The following USP54 variants were observed in gnomAD, a reference collection of about 807,000 sequenced individuals.
The protein encoded by USP54 is ubiquitin carboxyl-terminal hydrolase 54.
In USP54, 87 loss-of-function variants were observed where a neutral mutation model predicts 170.5. The ratio of observed to expected loss-of-function variants is 0.51; its 90% CI spans 0.43 to 0.61. The LOEUF (loss-of-function observed/expected upper bound fraction) is 0.61. Ranked by LOEUF, USP54 falls within the 20% of genes least tolerant of loss-of-function variation. USP54 has a pLI of 0.00. For synonymous variants in USP54, 655 were observed against 742.8 expected (o/e 0.88, Z 1.92); for missense variants, 1,786 against 2,047.8 (o/e 0.87, Z 2.47).
intron 4 of USP54, among the ~76,000 whole-genome samples, chr10:73,569,591 A>G (rs1362510837): frequency 6.6e-5 from 10 of 151,946 alleles, no homozygotes; most frequent in Non-Finnish European, 1.5e-4. Flanking sequence ...GTCTCTACTA[A>G]AAATACAAAA....
At position 73,584,265 on chromosome 10, in the gene USP54, G is replaced by A. The variant is rs768949633; in HGVS notation, c.-582+7013C>T. Among the ~76,000 whole-genome samples, 213 of 152,130 alleles carry A rather than the reference G, an allele frequency of 1.4e-3. 2 individuals are homozygous for A. The highest frequency in any genetic ancestry group is 1.5e-4 in the Non-Finnish European group (10 of 68,030). ...TAGCCGGGCGTGGTGGCATGTGCCT[G>A]TAATCCCAGCTACTCGGGAGGCTGA... On this transcript the variant is annotated intron_variant, in intron 1 of 23. Transcript: ENST00000687698.
chr10:73,520,560 A>C (rs1418858869), intron 18 of USP54, among the ~76,000 whole-genome samples: 1 of 152,248 alleles, frequency 6.6e-6, no homozygotes, highest in African/African-American at 2.4e-5. Context: ...CAATTTATTC[A>C]GTTTTCCTTC....
At position 73,610,387 on chromosome 10, in the gene USP54, C is replaced by T. The variant is rs537740795; in HGVS notation, c.-18+15180G>A. On this transcript the variant is annotated intron_variant, in intron 1 of 22. Coordinates refer to the USP54 transcript ENST00000339859. ...CTGTAATCCCAGCATTTTGGGAGGC[C>T]AAGGTGGGCGGATCACTCGAGGTCA... Among the ~76,000 whole-genome samples the T allele has an allele frequency of 2.6e-5, 4 of 152,140 alleles. No individual in the cohort carries two copies. The South Asian group carries it at 8.3e-4, about 32-fold the overall frequency.
intron 10 of USP54, among the ~76,000 whole-genome samples, 166 bp downstream of exon 10, chr10:73,539,278 C>CA (rs1279556550): frequency 0.029 from 1,553 of 54,304 alleles, 17 homozygotes; most frequent in Non-Finnish European, 0.042. Flanking sequence ...GACTCCATCT[C>CA]AAAAAAAAAA....
chr10:73,568,763 C>T (rs762062260), intron 4 of USP54, among the ~76,000 whole-genome samples: 46 of 152,054 alleles, frequency 3.0e-4, no homozygotes, highest in Non-Finnish European at 5.9e-4. Context: ...AAATACATCC[C>T]CAAGCCCATT....
At chr10:73,526,371 C>T (rs2062851247) in intron 16 of USP54, among the ~76,000 whole-genome samples, 1 of 152,118 alleles carries the variant, frequency 6.6e-6, no homozygotes, top group Non-Finnish European at 1.5e-5. Flanking sequence ...CCTCAGCCTC[C>T]CGAGCAGCTG....
In USP54 at chr10:73,523,733, T is replaced by G. The variant is rs1156370386; in HGVS notation, c.2212A>C (p.Lys738Gln). 6.2e-7 allele frequency: 1 copy of G among 1,613,660 alleles called. No individual in the cohort carries two copies. The highest frequency in any genetic ancestry group is 8.5e-7 in the Non-Finnish European group (1 of 1,179,696). ...TCCTGCAATTCATCCAGTTCACTTT[T>G]AGAAGATATCTCCTCACCTGTAATA... ...QPFSGEEISS[K>Q]SELDELQEEV... The change falls in exon 17 of 24, where the codon AAA becomes CAA. Residue 738 changes from lysine to glutamine, a missense_variant. Transcript: ENST00000687698.
In USP54 at chr10:73,498,598, G is replaced by C. The variant is rs1206821184; in HGVS notation, c.*31C>G. On this transcript the variant is annotated 3_prime_UTR_variant, in exon 24 of 24. Coordinates refer to ENST00000687698, the MANE Select transcript of USP54 (RefSeq NM_001391956.1). The stretch of plus-strand genomic sequence containing the variant: ...CCACAGTACAGTTTTACAAAGAAAG[G>C]TGTAGCTCCAGGAAAGGAAAGGAAT... The C allele has an allele frequency of 1.3e-6, 2 of 1,510,054 alleles. No individual in the cohort carries two copies. The highest frequency in any genetic ancestry group is 2.8e-5 in the African/African-American group (2 of 71,584). 93.5% of individuals were successfully genotyped at this position (1,510,054 alleles called of 1,614,324 possible).
At chr10:73,566,370 G>A (rs1290788997) in intron 4 of USP54, among the ~76,000 whole-genome samples, 1 of 152,166 alleles carries the variant, frequency 6.6e-6, no homozygotes, top group East Asian at 1.9e-4. Context: ...CATTTACAAT[G>A]AAGTCTCAAA....
In USP54 at chr10:73,620,340, G is replaced by T. The variant is rs545093611; in HGVS notation, c.-18+5227C>A. Among the ~76,000 whole-genome samples the T allele has an allele frequency of 5.0e-4, 73 of 146,650 alleles. 2 individuals carry two copies. In the South Asian group the frequency reaches 0.015, roughly 31 times the overall value. ...AAAAAAAAAAGAAAGAAAGAAAAAA[G>T]AAAGTTCTCTAGGCTTTAGTTTCCT... On this transcript the variant is annotated intron_variant, in intron 1 of 22. Transcript: ENST00000339859.
intron 21 of USP54, 43 bp from the exon 22 acceptor site, chr10:73,505,033 A>G (rs1260482136): frequency 5.0e-6 from 8 of 1,610,454 alleles, no homozygotes; most frequent in African/African-American, 1.3e-5. Context: ...ATAATACCAG[A>G]CTTATGGTTT....
intron 6 of USP54, 52 bp downstream of exon 6, chr10:73,542,966 G>C (rs761246611): frequency 3.1e-6 from 5 of 1,608,778 alleles, no homozygotes; most frequent in African/African-American, 1.3e-5. Flanking sequence ...CCACATCCCA[G>C]GATAAAGTGT....
At chr10:73,550,998 C>A (rs567541787) in intron 4 of USP54, among the ~76,000 whole-genome samples, 1 of 152,016 alleles carries the variant, frequency 6.6e-6, no homozygotes, top group Non-Finnish European at 1.5e-5. Flanking sequence ...CCAGCTACTG[C>A]GGAGGCTGAG....
chr10:73,542,814 G>C lies in USP54; in HGVS notation c.561C>G (p.Thr187=). The change falls in exon 7 of 24, where the codon ACC becomes ACG. Residue 187 remains threonine (T), a synonymous_variant. Transcript: ENST00000687698. Reference sequence around the variant, plus strand: ...CTTGTAAGACTCACCAAAGGGAAGTGGTGGAGATATAATGTACCATCTGGA... The same window carrying C: ...CTTGTAAGACTCACCAAAGGGAAGTCGTGGAGATATAATGTACCATCTGGA... ...PFIQMVHYIS[T]TSLCNQAICM... 1 of 1,613,954 alleles carries C rather than the reference G, an allele frequency of 6.2e-7. No homozygotes were observed. The highest frequency in any genetic ancestry group is 8.5e-7 in the Non-Finnish European group (1 of 1,179,998).
At chr10:73,612,839 CAAAAAA>C (rs756355670) in intron 1 of USP54, among the ~76,000 whole-genome samples, 13 of 42,120 alleles carry the variant, frequency 3.1e-4, no homozygotes, top group African/African-American at 1.2e-3. Flanking sequence ...GACATTGTCT[CAAAAAA>C]AAAAAAAAAA....
At chr10:73,544,755 C>A (rs2067385739) in intron 5 of USP54, among the ~76,000 whole-genome samples, 1 of 151,896 alleles carries the variant, frequency 6.6e-6, no homozygotes, top group East Asian at 1.9e-4. Flanking sequence ...ACTGTGTCAC[C>A]CAGGCTGGAG....
At position 73,529,887 on chromosome 10, in the gene USP54, G is replaced by C; in HGVS notation, c.1853C>G (p.Pro618Arg). 6.5e-7 allele frequency: 1 copy of C among 1,536,790 alleles called. No individual in the cohort carries two copies. The highest frequency in any genetic ancestry group is 8.7e-7 in the Non-Finnish European group (1 of 1,144,438). ...DSAKEFIPDE[P>R]SKPPSYDIKF... ...AATGTCGTAAGAAGGTGGCTTGCTT[G>C]GTTCATCTGGTATAAATTCTTTAGC... The change falls in exon 15 of 24, where the codon CCA (proline) becomes CGA (arginine). Residue 618 changes from proline (P) to arginine (R), a missense_variant. Physicochemically the swap from Pro to Arg is moderately radical, Grantham distance 103. Coordinates refer to ENST00000687698, the MANE Select transcript of USP54 (RefSeq NM_001391956.1).
In USP54 at chr10:73,516,551, G is replaced by T. The variant is rs138525330; in HGVS notation, c.3875C>A (p.Thr1292Lys). The T allele has an allele frequency of 2.5e-6, 4 of 1,614,100 alleles. No individual in the cohort carries two copies. In the African/African-American group the frequency reaches 5.3e-5, roughly 22 times the overall value. The change falls in exon 20 of 24, where the codon ACG (threonine) becomes AAG (lysine). Residue 1292 changes from threonine (T) to lysine (K), a missense_variant. By Grantham distance (78) the Thr-to-Lys change is moderately conservative. Transcript: ENST00000687698. ...ATTTCTCTCTGGATAGGTTACACAC[G>T]TATGGGAATCATGAGGGGAGGACTT... ...GMKSSPHDSH[T>K]CVTYPERNHI...
Position 73,507,542 on chromosome 10 carries a change from C to T in USP54, c.4052-2116G>A, listed in dbSNP as rs112246585. On this transcript the variant is annotated intron_variant, in intron 20 of 23. Transcript: ENST00000687698. ...TACAAAAATTAGCCAGGCGTGGTGG[C>T]GGCCGCCTGTAATCCCAGCTACTCA... Among the ~76,000 whole-genome samples the T allele has an allele frequency of 2.4e-4, 36 of 151,620 alleles. 1 individual carries two copies. The highest frequency in any genetic ancestry group is 4.4e-5 in the Non-Finnish European group (3 of 67,920).
Sources: allele counts gnomAD v4.1 joint callset (sites outside exome capture counted in the v4.1 genomes callset), GRCh38; gene constraint gnomAD v4.1.1; transcripts MANE v1.5; gene names NCBI Gene and HGNC (gene_info 2026-07-23, HGNC 2026-07-21).